MEMO1: variants seen among roughly 807,000 people sequenced by gnomAD.
MEMO1 encodes mediator of cell motility 1, also known as protein MEMO1.
Under a neutral mutation model 45.2 loss-of-function variants are expected in MEMO1, and 6 were observed. The ratio of observed to expected loss-of-function variants is 0.13; its 90% confidence interval spans 0.07 to 0.26. The LOEUF is 0.26. MEMO1 is among the 10% of genes least tolerant of loss of function. The pLI is 1.00. For synonymous variants in MEMO1, 78 were observed against 124.3 expected (o/e 0.63, Z 2.48); for missense variants, 184 against 370.5 (o/e 0.50, Z 4.13).
intron 3 of MEMO1, among the ~76,000 whole-genome samples, chr2:31,935,850 GT>G (rs1281675814): frequency 2.0e-5 from 3 of 152,018 alleles, no homozygotes; most frequent in Non-Finnish European, 4.4e-5. Flanking sequence ...AACGGCTAAA[GT>G]TTTTTCTTTT....
intron 4 of MEMO1, among the ~76,000 whole-genome samples, chr2:31,924,404 C>T (rs10490359): frequency 6.7e-6 from 1 of 150,022 alleles, no homozygotes; most frequent in East Asian, 1.9e-4. Flanking sequence ...TCTTTAAAGG[C>T]GTAACTTTTC....
intron 2 of MEMO1, among the ~76,000 whole-genome samples, chr2:31,984,605 T>C (rs1465536327): frequency 1.3e-5 from 2 of 152,124 alleles, no homozygotes; most frequent in East Asian, 3.8e-4. Context: ...TCAAGAGCCA[T>C]CCTGGCTAAC....
At chr2:31,980,833 C>A (rs1670549623) in intron 2 of MEMO1, among the ~76,000 whole-genome samples, 1 of 152,130 alleles carries the variant, frequency 6.6e-6, no homozygotes, top group Non-Finnish European at 1.5e-5. Context: ...AATGCAGAGG[C>A]AAGTAGTACC....
chr2:31,931,997 C>G, intron 4 of MEMO1, 70 bp downstream of exon 4: 1 of 1,364,582 alleles, frequency 7.3e-7, no homozygotes, highest in Non-Finnish European at 1.0e-6. Context: ...GTATAAAAAG[C>G]AAATTACTTC....
chr2:31,980,825 T>C (rs900934044), intron 2 of MEMO1, among the ~76,000 whole-genome samples: 1 of 152,190 alleles, frequency 6.6e-6, no homozygotes, highest in Non-Finnish European at 1.5e-5. Flanking sequence ...CACAGCCAAA[T>C]GCAGAGGCAA....
intron 2 of MEMO1, among the ~76,000 whole-genome samples, chr2:31,975,285 G>C (rs1029106727): frequency 6.6e-6 from 1 of 152,222 alleles, no homozygotes; most frequent in Non-Finnish European, 1.5e-5. Context: ...CACCAGTTTG[G>C]TAAGTAGGAT....
At chr2:31,899,154 T>A (rs1678372738) in intron 6 of MEMO1, among the ~76,000 whole-genome samples, 1 of 152,206 alleles carries the variant, frequency 6.6e-6, no homozygotes, top group African/African-American at 2.4e-5. Flanking sequence ...AAGCTACCAT[T>A]GACTTTCTTC....
intron 2 of MEMO1, among the ~76,000 whole-genome samples, chr2:31,967,126 T>A (rs1043893839): frequency 4.9e-3 from 2 of 410 alleles, no homozygotes; most frequent in African/African-American, 6.3e-3. Flanking sequence ...AGTATTTTAT[T>A]TTTTTTTTTT....
intron 2 of MEMO1, among the ~76,000 whole-genome samples, chr2:31,984,924 C>A (rs1671090256): frequency 6.6e-6 from 1 of 152,100 alleles, no homozygotes; most frequent in South Asian, 2.1e-4. Context: ...AATAAATGTA[C>A]CATGTAAGAG....
intron 2 of MEMO1, among the ~76,000 whole-genome samples, chr2:31,981,035 C>G (rs988475397): frequency 6.6e-6 from 1 of 152,190 alleles, no homozygotes; most frequent in Non-Finnish European, 1.5e-5. Context: ...AATAGTCAAT[C>G]GTACACCAAT....
At chr2:31,944,545 G>GT (rs1469987339) in intron 2 of MEMO1, among the ~76,000 whole-genome samples, 1 of 152,074 alleles carries the variant, frequency 6.6e-6, no homozygotes, top group African/African-American at 2.4e-5. Context: ...GCTTTCCCTC[G>GT]TATTTCAACA....
intron 6 of MEMO1, among the ~76,000 whole-genome samples, chr2:31,902,347 G>A (rs908430787): frequency 1.3e-5 from 2 of 151,136 alleles, no homozygotes; most frequent in Middle Eastern, 3.5e-3. Flanking sequence ...GCGCTGAGCC[G>A]AGATCATGCC....
At chr2:31,953,755 C>T (rs931034786) in intron 2 of MEMO1, among the ~76,000 whole-genome samples, 7 of 152,046 alleles carry the variant, frequency 4.6e-5, no homozygotes, top group African/African-American at 1.7e-4. Context: ...CCGTGCCCAG[C>T]CCCTTTATAA....
intron 2 of MEMO1, among the ~76,000 whole-genome samples, chr2:31,971,248 GCATAAACCTTTTTTTTT>G (rs1669360811): frequency 6.6e-6 from 1 of 152,050 alleles, no homozygotes; most frequent in East Asian, 1.9e-4. Flanking sequence ...AAAAATGTAA[GCATAAACCTTTTTTTTT>G]GAAAAAGAGT....
chr2:31,984,581 G>T (rs542735452), intron 2 of MEMO1, among the ~76,000 whole-genome samples: 1 of 152,138 alleles, frequency 6.6e-6, no homozygotes, highest in African/African-American at 2.4e-5. Flanking sequence ...AGGCCAAGGC[G>T]GGCGATAACG....
intron 4 of MEMO1, among the ~76,000 whole-genome samples, chr2:31,928,871 C>A (rs1683521353): frequency 6.6e-6 from 1 of 152,136 alleles, no homozygotes; most frequent in Non-Finnish European, 1.5e-5. Context: ...AACTTAGACT[C>A]TTTAAAAAAC....
intron 2 of MEMO1, among the ~76,000 whole-genome samples, chr2:31,975,491 T>C (rs923518010): frequency 6.6e-6 from 1 of 152,114 alleles, no homozygotes; most frequent in African/African-American, 2.4e-5. Context: ...CCTAGACACA[T>C]GGGAGGTGCC....
intron 8 of MEMO1, among the ~76,000 whole-genome samples, chr2:31,875,180 T>C (rs1477090133): frequency 2.0e-5 from 3 of 152,160 alleles, no homozygotes; most frequent in Admixed American, 6.5e-5. Flanking sequence ...CATATTAATA[T>C]GAAGCAAATA....
At chr2:31,912,847 T>C (rs1680801860) in intron 6 of MEMO1, among the ~76,000 whole-genome samples, 1 of 152,190 alleles carries the variant, frequency 6.6e-6, no homozygotes, top group Admixed American at 6.5e-5. Flanking sequence ...TTGACTCTAT[T>C]TACATTTTCT....
Sources: gnomAD v4.1 joint callset for allele counts (sites outside exome capture counted in the v4.1 genomes callset) on GRCh38, gnomAD v4.1.1 for gene constraint, MANE v1.5 for transcripts, NCBI Gene and HGNC (gene_info 2026-07-23, HGNC 2026-07-21) for gene names.